Variants in PEX5L observed in about 807,000 individuals in gnomAD.
PEX5L encodes the protein peroxisomal biogenesis factor 5 like.
PEX5L carries 30 observed loss-of-function variants against 84.0 expected under a neutral mutation model. The ratio of observed to expected loss-of-function variants is 0.36; its 90% confidence interval spans 0.27 to 0.48. The LOEUF is 0.48. PEX5L is among the 20% of genes least tolerant of loss of function. The probability of loss-of-function intolerance (pLI) is 0.99; values close to 1 mark genes in which losing one functional copy is unlikely to be tolerated. For synonymous variants in PEX5L, 270 were observed against 283.1 expected (o/e 0.95, Z 0.46); for missense variants, 533 against 754.6 (o/e 0.71, Z 3.44).
At chr3:179,939,859 T>A (rs903944812) in intron 2 of PEX5L, among the ~76,000 whole-genome samples, 1 of 152,106 alleles carries the variant, frequency 6.6e-6, no homozygotes, top group Non-Finnish European at 1.5e-5. Context: ...TTGGAAGACA[T>A]GAACCCAGAG....
rs1789325822 is a variant in PEX5L at position 180,010,249 on chromosome 3, T to TTTTTTTTTTTTTTTC, written c.21+26329_21+26330insGAAAAAAAAAAAAAA. Among the ~76,000 whole-genome samples the TTTTTTTTTTTTTTTC allele has an allele frequency of 1.4e-5, 2 of 139,402 alleles. 1 individual carries two copies. Among genetic ancestry groups the TTTTTTTTTTTTTTTC allele is most frequent in the African/African-American group, 5.8e-5 (2 of 34,272 alleles). The allele number at this position is 139,402 out of a possible 152,430, so 91.5% of individuals were successfully genotyped here. On this transcript the variant is annotated intron_variant, in intron 1 of 14. Coordinates refer to ENST00000467460, the MANE Select transcript of PEX5L (RefSeq NM_016559.3). ...CGTGAGCCACTGCACCCGGCCTCTT[T>TTTTTTTTTTTTTTTC]TTTTTTTTTTTTTTTTTCTGTAGAG...
chr3:179,891,470 G>A (rs1478485827), intron 3 of PEX5L, among the ~76,000 whole-genome samples: 1 of 152,084 alleles, frequency 6.6e-6, no homozygotes, highest in African/African-American at 2.4e-5. Context: ...TGGTTTTGAT[G>A]GGAGATACGG....
At chr3:179,935,867 T>A (rs1350101528) in intron 2 of PEX5L, among the ~76,000 whole-genome samples, 1 of 152,278 alleles carries the variant, frequency 6.6e-6, no homozygotes, top group South Asian at 2.1e-4. Flanking sequence ...TGAGAATGGG[T>A]TGCTATAAAG....
intron 8 of PEX5L, among the ~76,000 whole-genome samples, chr3:179,854,363 A>AGGGC (rs1188812645): frequency 5.3e-5 from 8 of 152,168 alleles, no homozygotes; most frequent in African/African-American, 1.7e-4. Context: ...TTCAGCCAAA[A>AGGGC]ACTTAGTCGA....
rs139957183 is a variant in PEX5L at position 179,857,587 on chromosome 3, T to C, written c.822+1475A>G. 5.5e-4 allele frequency among the ~76,000 whole-genome samples: 84 copies of C among 152,366 alleles called. 1 individual carries two copies. The highest frequency in any genetic ancestry group is 3.4e-3 in the Middle Eastern group (1 of 294). ...TTGTGAATATATGTATCTTGATAGA[T>C]AGATAGTCTTCCCTTGTTGATCTGT... On this transcript the variant is annotated intron_variant, in intron 8 of 14. Coordinates refer to ENST00000467460, the MANE Select transcript of PEX5L (RefSeq NM_016559.3).
intron 2 of PEX5L, among the ~76,000 whole-genome samples, chr3:179,953,090 C>T (rs1030429913): frequency 9.0e-5 from 13 of 143,696 alleles, no homozygotes; most frequent in African/African-American, 3.2e-4. Flanking sequence ...ACCCCTTATA[C>T]AAAAATCAAC....
intron 2 of PEX5L, among the ~76,000 whole-genome samples, chr3:179,912,637 C>T (rs1765583479): frequency 6.6e-6 from 1 of 152,010 alleles, no homozygotes; most frequent in South Asian, 2.1e-4. Flanking sequence ...TGGTTTTAGC[C>T]TATTAGAATT....
chr3:179,967,652 C>T (rs1036626215), intron 2 of PEX5L, among the ~76,000 whole-genome samples: 3 of 149,862 alleles, frequency 2.0e-5, no homozygotes, highest in Non-Finnish European at 3.0e-5. Context: ...CTTGTTATTA[C>T]GTTAAATGCT....
rs985145336 is a variant in PEX5L, at chr3:179,819,865, C to T, written c.934G>A (p.Glu312Lys). 6.2e-7 allele frequency: 1 copy of T among 1,614,028 alleles called. No homozygotes were observed. Among genetic ancestry groups the T allele is most frequent in the Non-Finnish European group, 8.5e-7 (1 of 1,179,930 alleles). Residue 312 changes from glutamate (E) to lysine (K), a missense_variant, in exon 9 of 15, where the codon GAG becomes AAG. Physicochemically the swap from Glu to Lys is moderately conservative, Grantham distance 56. This residue lies in a region of PEX5L where 58 missense variants were observed against 56.4 expected (regional missense o/e 1.03). Transcript: ENST00000467460. ...ATAGGAACAGAATTGGTTACCTTCT[C>T]ACTAGCCGAGATGGTTACTTGGTTC... Reference protein sequence around the residue: ...AQNQVTISASEKGYYFHTENP... With the variant: ...AQNQVTISASKKGYYFHTENP...
chr3:179,903,167 T>C (rs1269816552), intron 2 of PEX5L, among the ~76,000 whole-genome samples: 1 of 152,170 alleles, frequency 6.6e-6, no homozygotes, highest in Non-Finnish European at 1.5e-5. Flanking sequence ...ATATTGAATA[T>C]ATTTCTTTAT....
intron 1 of PEX5L, among the ~76,000 whole-genome samples, chr3:179,976,735 G>A (rs987472671): frequency 1.3e-5 from 2 of 152,182 alleles, no homozygotes; most frequent in South Asian, 2.1e-4. Context: ...ACTGCATCCA[G>A]CCAGGAAATC....
chr3:179,926,038 T>G (rs1279130062), intron 2 of PEX5L, among the ~76,000 whole-genome samples: 2 of 152,194 alleles, frequency 1.3e-5, no homozygotes, highest in Non-Finnish European at 2.9e-5. Context: ...TTTCTGTTTT[T>G]GGCACTAATA....
intron 8 of PEX5L, among the ~76,000 whole-genome samples, chr3:179,847,651 C>T (rs902930054): frequency 2.0e-5 from 3 of 152,072 alleles, no homozygotes; most frequent in Non-Finnish European, 2.9e-5. Flanking sequence ...TGTTTTTAGT[C>T]AGAAAAGAAT....
At chr3:179,928,112 G>C (rs557326526) in intron 2 of PEX5L, among the ~76,000 whole-genome samples, 1 of 152,246 alleles carries the variant, frequency 6.6e-6, no homozygotes, top group Non-Finnish European at 1.5e-5. Flanking sequence ...CTATCTGCCT[G>C]TTCCTTTCAT....
chr3:179,880,828 A>C (rs1753913049), intron 4 of PEX5L: 1 of 152,254 alleles, frequency 6.6e-6, no homozygotes, highest in Non-Finnish European at 1.5e-5. Context: ...AAATGCAAAT[A>C]AGGCAAATGA....
intron 3 of PEX5L, among the ~76,000 whole-genome samples, chr3:179,889,283 T>C (rs1756897948): frequency 6.6e-6 from 1 of 152,142 alleles, no homozygotes; most frequent in African/African-American, 2.4e-5. Flanking sequence ...ATGGTAACTA[T>C]GGGGAGAAAG....
chr3:179,908,681 A>G (rs1376316816), intron 2 of PEX5L, among the ~76,000 whole-genome samples: 1 of 133,870 alleles, frequency 7.5e-6, no homozygotes, highest in Non-Finnish European at 1.5e-5. Context: ...ATGTGTTCTC[A>G]TTGTTCAATT....
chr3:179,867,568 T>C (rs1259444072), intron 7 of PEX5L, among the ~76,000 whole-genome samples: 1 of 152,194 alleles, frequency 6.6e-6, no homozygotes, highest in African/African-American at 2.4e-5. Context: ...GTGGCTCCTG[T>C]ACTGTATTCC....
At chr3:179,954,029 C>G (rs1779814773) in intron 2 of PEX5L, among the ~76,000 whole-genome samples, 1 of 152,100 alleles carries the variant, frequency 6.6e-6, no homozygotes, top group Non-Finnish European at 1.5e-5. Context: ...CCTTGTGTCT[C>G]TCAATGTCGT....
Sources: gnomAD v4.1 joint callset for allele counts (sites outside exome capture counted in the v4.1 genomes callset) on GRCh38, gnomAD v4.1.1 for gene constraint, gnomAD v4.1.1 regional missense constraint, MANE v1.5 for transcripts, NCBI Gene and HGNC (gene_info 2026-07-23, HGNC 2026-07-21) for gene names.